DGCR2: variants seen among roughly 807,000 people sequenced by gnomAD.
The protein encoded by DGCR2 is integral membrane protein DGCR2/IDD.
A neutral mutation model predicts 51.6 loss-of-function variants in DGCR2; 24 were observed. That is an observed-to-expected ratio of 0.47 (90% confidence interval 0.34 to 0.65). DGCR2 has a LOEUF of 0.65. Ranked by LOEUF, DGCR2 falls within the 30% of genes least tolerant of loss-of-function variation. DGCR2 has a pLI of 0.01. For missense variants in DGCR2, 765 were observed against 772.1 expected (o/e 0.99, Z 0.11); for synonymous variants, 340 against 315.4 (o/e 1.08, Z -0.82).
chr22:19,060,624 G>A (rs147341329), intron 5 of DGCR2: 16 of 227,562 alleles, frequency 7.0e-5, no homozygotes, highest in South Asian at 1.4e-4. Flanking sequence ...CACGTGGGGC[G>A]GTGTGGATGA....
intron 2 of DGCR2, among the ~76,000 whole-genome samples, chr22:19,086,081 AGC>A (rs2083011720): frequency 6.6e-6 from 1 of 152,202 alleles, no homozygotes; most frequent in Non-Finnish European, 1.5e-5. Context: ...CACAAGATTT[AGC>A]AGTCATTAAT....
chr22:19,048,124 C>T (rs909755261), intron 7 of DGCR2: 8 of 416,292 alleles, frequency 1.9e-5, no homozygotes, highest in African/African-American at 1.0e-4. Context: ...ACCCTGGAGG[C>T]GTAAGTTTGA....
intron 1 of DGCR2, among the ~76,000 whole-genome samples, chr22:19,105,573 C>T (rs547396751): frequency 4.4e-4 from 67 of 152,250 alleles, no homozygotes; most frequent in African/African-American, 1.5e-3. Context: ...GAGCGATGCA[C>T]GCTCTGGAAG....
intron 2 of DGCR2, among the ~76,000 whole-genome samples, chr22:19,082,228 T>TC (rs1202796761): frequency 4.2e-5 from 6 of 143,030 alleles, no homozygotes; most frequent in Non-Finnish European, 6.1e-5. Flanking sequence ...ATTTCTTTTT[T>TC]TTTTTTTTTT....
rs1441150098 is a variant in DGCR2 at position 19,103,992 on chromosome 22, A to T, written c.80-14502T>A. Among the ~76,000 whole-genome samples the T allele has an allele frequency of 2.0e-5, 3 of 152,246 alleles. No individual in the cohort carries two copies. The East Asian group carries it at 5.8e-4, about 29-fold the overall frequency. ...AGCTATGACCCAGCCACTGCAATCC[A>T]TCCTGGGCAACACAGTGAGGCACTG... On this transcript the variant is annotated intron_variant, in intron 1 of 9. Transcript: ENST00000263196.
At chr22:19,084,528 C>T (rs2082985480) in intron 2 of DGCR2, among the ~76,000 whole-genome samples, 2 of 147,914 alleles carry the variant, frequency 1.4e-5, no homozygotes, top group Non-Finnish European at 3.0e-5. Flanking sequence ...GCCCGGCAGC[C>T]GCCCCGTCTG....
intron 2 of DGCR2, 151 bp from the exon 3 acceptor site, chr22:19,068,376 GA>G (rs1182063197): frequency 1.1e-6 from 1 of 888,008 alleles, no homozygotes; most frequent in Non-Finnish European, 1.6e-6. Flanking sequence ...AGAGCCCTAT[GA>G]AACACTGCCG....
intron 2 of DGCR2, 101 bp from the exon 3 acceptor site, chr22:19,068,326 G>A: frequency 1.5e-6 from 2 of 1,348,084 alleles, no homozygotes; most frequent in Admixed American, 3.5e-5. Context: ...GGCCGGAGGG[G>A]GGGCCTGTAG....
chr22:19,122,245 CGGACCAGGCCGGACTGAGGGTCAGG>C lies in DGCR2; in HGVS notation c.-64_-40del. 2.1e-6 allele frequency: 3 copies of C among 1,444,042 alleles called. No individual in the cohort carries two copies. The highest frequency in any genetic ancestry group is 2.8e-6 in the Non-Finnish European group (3 of 1,081,560). 89.5% of individuals were successfully genotyped at this position (1,444,042 alleles called of 1,614,324 possible). A position where few individuals can be genotyped will look rare whatever the true frequency, so the allele number is the denominator to read the frequency against. On this transcript the variant is annotated 5_prime_UTR_variant, in exon 1 of 10. Transcript: ENST00000263196. ...ATCGTCCCCGGGGCGGCTGGAAGGC[CGGACCAGGCCGGACTGAGGGTCAGG>C]GGACCGTGCCAAGCGGAGGGTCAGG...
Position 19,094,706 on chromosome 22 carries a change from T to G in DGCR2, c.80-5216A>C, listed in dbSNP as rs549316459. ...AAAGACTTGTTCATAGTACTTTTAT[T>G]TGTAATATCCAAAAGCTGGAAACAA... On this transcript the variant is annotated intron_variant, in intron 1 of 9. Transcript: ENST00000263196. 3.9e-5 allele frequency among the ~76,000 whole-genome samples: 6 copies of G among 152,358 alleles called. No individual in the cohort carries two copies. The South Asian group carries it at 1.2e-3, about 32-fold the overall frequency.
chr22:19,081,674 A>T (rs2145996241), intron 2 of DGCR2, among the ~76,000 whole-genome samples: 1 of 152,280 alleles, frequency 6.6e-6, no homozygotes, highest in South Asian at 2.1e-4. Context: ...TTCTGCAAGG[A>T]TTTTTCCAGA....
Position 19,107,875 on chromosome 22 carries a change from T to C in DGCR2, c.79+14253A>G, listed in dbSNP as rs550599772. Among the ~76,000 whole-genome samples the C allele has an allele frequency of 7.9e-5, 12 of 152,318 alleles. No individual in the cohort carries two copies. In the South Asian group the frequency reaches 1.4e-3, roughly 18 times the overall value. On this transcript the variant is annotated intron_variant, in intron 1 of 9. Coordinates refer to ENST00000263196, the MANE Select transcript of DGCR2 (RefSeq NM_005137.3). ...CAACACTCGCACCACATTTCGATCA[T>C]AGCCACAGGATAGCGCAGCCAATTT...
At chr22:19,113,283 T>C (rs2083336420) in intron 1 of DGCR2, among the ~76,000 whole-genome samples, 1 of 151,688 alleles carries the variant, frequency 6.6e-6, no homozygotes, top group Admixed American at 6.6e-5. Context: ...GGCAGAAGAA[T>C]CGCTTGAACC....
At chr22:19,117,559 C>T (rs1818164284) in intron 1 of DGCR2, among the ~76,000 whole-genome samples, 2 of 152,130 alleles carry the variant, frequency 1.3e-5, no homozygotes, top group African/African-American at 4.8e-5. Context: ...ACGGCCATGG[C>T]GCATACAACT....
At chr22:19,088,174 G>A (rs1189574030) in intron 2 of DGCR2, among the ~76,000 whole-genome samples, 1 of 152,190 alleles carries the variant, frequency 6.6e-6, no homozygotes, top group Admixed American at 6.5e-5. Context: ...TCATGTCCTA[G>A]GCCAAGTCCC....
intron 1 of DGCR2, among the ~76,000 whole-genome samples, chr22:19,104,211 G>A (rs1000595684): frequency 2.0e-5 from 3 of 152,068 alleles, no homozygotes; most frequent in Non-Finnish European, 4.4e-5. Context: ...CCCTAGAAGG[G>A]TCAGGGAACC....
intron 3 of DGCR2, among the ~76,000 whole-genome samples, chr22:19,065,342 T>G (rs2082736733): frequency 6.6e-6 from 1 of 152,234 alleles, no homozygotes; most frequent in Admixed American, 6.5e-5. Context: ...GCTGCTGAAT[T>G]AAGTCTTGTA....
intron 7 of DGCR2, among the ~76,000 whole-genome samples, chr22:19,045,849 C>T (rs1438870013): frequency 6.6e-6 from 1 of 152,164 alleles, no homozygotes; most frequent in African/African-American, 2.4e-5. Flanking sequence ...GCCTCAGCCT[C>T]CTGAGTAGCT....
In DGCR2 at chr22:19,068,026, T is replaced by A. The variant is rs552706693; in HGVS notation, c.328+74A>T. On this transcript the variant is annotated intron_variant, in intron 3 of 9. Transcript: ENST00000263196. Reference sequence around the variant, plus strand: ...TTGAGAAACCCCTCACGCAGCACAGTAGTGCTGGAAAGGCAGGGGTCATGT... The same window carrying A: ...TTGAGAAACCCCTCACGCAGCACAGAAGTGCTGGAAAGGCAGGGGTCATGT... 12 of 1,473,036 alleles carry A rather than the reference T, an allele frequency of 8.1e-6. No homozygotes were observed. The African/African-American group carries it at 1.4e-4, about 17-fold the overall frequency. The allele number at this position is 1,473,036 out of a possible 1,614,324, so 91.2% of individuals were successfully genotyped here.
Sources: allele counts gnomAD v4.1 joint callset (sites outside exome capture counted in the v4.1 genomes callset), GRCh38; gene constraint gnomAD v4.1.1; transcripts MANE v1.5; gene names NCBI Gene and HGNC (gene_info 2026-07-23, HGNC 2026-07-21).